Variants in RPS6KC1 observed in about 807,000 individuals in gnomAD.
The protein encoded by RPS6KC1 is ribosomal protein S6 kinase C1.
In RPS6KC1, 54 loss-of-function variants were observed where a neutral mutation model predicts 103.8. That is an observed-to-expected ratio of 0.52 (90% CI 0.42 to 0.65). The LOEUF (loss-of-function observed/expected upper bound fraction) is 0.65, where lower values mean the gene tolerates loss of function less well. Ranked by LOEUF, RPS6KC1 falls within the 30% of genes least tolerant of loss-of-function variation. The pLI is 0.00. For missense variants in RPS6KC1, 1,151 were observed against 1,253.8 expected (o/e 0.92, Z 1.24); for synonymous variants, 439 against 438.7 (o/e 1.00, Z -0.01).
the RPS6KC1 span, among the ~76,000 whole-genome samples, chr1:213,530,159 G>A: frequency 1.3e-5 from 2 of 152,016 alleles, no homozygotes; most frequent in Non-Finnish European, 2.9e-5. Flanking sequence ...CCATTAACTC[G>A]TCATTTATCC....
At chr1:213,485,019 T>G in the RPS6KC1 span, among the ~76,000 whole-genome samples, 2 of 152,058 alleles carry the variant, frequency 1.3e-5, no homozygotes, top group African/African-American at 2.4e-5. Flanking sequence ...CACACCACCA[T>G]GCCAAGCTAA....
chr1:213,697,012 G>T, the RPS6KC1 span, among the ~76,000 whole-genome samples: 5 of 152,164 alleles, frequency 3.3e-5, no homozygotes, highest in Non-Finnish European at 2.9e-5. Context: ...TATAAACTGG[G>T]GGATCCCTGC....
At chr1:213,844,981 G>A in the RPS6KC1 span, among the ~76,000 whole-genome samples, 2 of 151,700 alleles carry the variant, frequency 1.3e-5, no homozygotes, top group African/African-American at 4.8e-5. Context: ...CAGCCATAGT[G>A]CATTCAGCCT....
chr1:213,151,243 A>C (rs1267665950), intron 6 of RPS6KC1, among the ~76,000 whole-genome samples: 1 of 109,788 alleles, frequency 9.1e-6, no homozygotes, highest in African/African-American at 3.6e-5. Flanking sequence ...TCCCTCCCGG[A>C]CGGGGCGGCT....
the RPS6KC1 span, among the ~76,000 whole-genome samples, chr1:213,564,275 C>T: frequency 1.6e-4 from 24 of 152,062 alleles, no homozygotes; most frequent in African/African-American, 5.6e-4. Context: ...ATATTTATGT[C>T]TGTTGTTAAT....
chr1:213,207,831 G>A (rs1480363597), intron 8 of RPS6KC1, among the ~76,000 whole-genome samples: 1 of 151,900 alleles, frequency 6.6e-6, no homozygotes, highest in African/African-American at 2.4e-5. Context: ...CCACCTCCAT[G>A]CTGGCTAATT....
At chr1:213,423,763 C>A in the RPS6KC1 span, among the ~76,000 whole-genome samples, 1 of 116,232 alleles carries the variant, frequency 8.6e-6, no homozygotes, top group Non-Finnish European at 1.8e-5. Context: ...GGAGGGGGAG[C>A]GGCAGGGGGC....
chr1:213,683,495 A>G, the RPS6KC1 span, among the ~76,000 whole-genome samples: 2 of 152,174 alleles, frequency 1.3e-5, no homozygotes, highest in Non-Finnish European at 2.9e-5. Context: ...CTGGAAAAGT[A>G]CATTCCTCCC....
the RPS6KC1 span, among the ~76,000 whole-genome samples, chr1:213,477,660 C>A: frequency 6.6e-6 from 1 of 152,076 alleles, no homozygotes; most frequent in Admixed American, 6.5e-5. Context: ...TATAATAAAA[C>A]CCAGATACCA....
At chr1:213,797,098 A>C in the RPS6KC1 span, among the ~76,000 whole-genome samples, 1 of 152,252 alleles carries the variant, frequency 6.6e-6, no homozygotes, top group Non-Finnish European at 1.5e-5. Context: ...ATGGCAATGC[A>C]CAGAAGTAGA....
the RPS6KC1 span, among the ~76,000 whole-genome samples, chr1:213,487,528 C>A: frequency 2.6e-5 from 4 of 152,012 alleles, no homozygotes; most frequent in Non-Finnish European, 5.9e-5. Flanking sequence ...ATGATGATGC[C>A]ATTTCTTAGC....
chr1:213,246,213 A>G (rs552335888), intron 12 of RPS6KC1, among the ~76,000 whole-genome samples: 108 of 152,240 alleles, frequency 7.1e-4, no homozygotes, highest in Non-Finnish European at 1.2e-3. Flanking sequence ...ATTATCTAGG[A>G]TGATTCTCTA....
intron 5 of RPS6KC1, among the ~76,000 whole-genome samples, chr1:213,118,546 A>G (rs1196534924): frequency 6.6e-6 from 1 of 152,154 alleles, no homozygotes; most frequent in African/African-American, 2.4e-5. Context: ...CTCCTGTCAT[A>G]CAGCAGCAGC....
At chr1:213,762,105 G>A in the RPS6KC1 span, among the ~76,000 whole-genome samples, 1 of 151,216 alleles carries the variant, frequency 6.6e-6, no homozygotes. Flanking sequence ...AAGGAAGGAA[G>A]GATGACGAAA....
the RPS6KC1 span, among the ~76,000 whole-genome samples, chr1:213,386,272 G>T: frequency 6.6e-6 from 1 of 152,098 alleles, no homozygotes; most frequent in Non-Finnish European, 1.5e-5. Flanking sequence ...CCCACCAGAT[G>T]CCCAGTCTTC....
At chr1:213,253,269 A>T (rs911292608) in intron 12 of RPS6KC1, among the ~76,000 whole-genome samples, 1 of 152,160 alleles carries the variant, frequency 6.6e-6, no homozygotes, top group African/African-American at 2.4e-5. Context: ...GTGAAGAATG[A>T]GATGATCTAT....
At chr1:213,675,179 G>C in the RPS6KC1 span, among the ~76,000 whole-genome samples, 2 of 152,150 alleles carry the variant, frequency 1.3e-5, no homozygotes, top group East Asian at 3.9e-4. Flanking sequence ...TCAATATTTG[G>C]TTTTGTTGCA....
the RPS6KC1 span, among the ~76,000 whole-genome samples, chr1:213,426,628 G>A: frequency 6.6e-6 from 1 of 152,322 alleles, no homozygotes; most frequent in Non-Finnish European, 1.5e-5. Flanking sequence ...AGCTGTGCCT[G>A]TTGGGATACC....
chr1:213,439,832 A>C, the RPS6KC1 span, among the ~76,000 whole-genome samples: 3 of 152,240 alleles, frequency 2.0e-5, no homozygotes, highest in South Asian at 6.2e-4. Flanking sequence ...AGAGAGGCAG[A>C]GATGGAGCAA....
Sources: gnomAD v4.1 joint callset for allele counts (sites outside exome capture counted in the v4.1 genomes callset) on GRCh38, gnomAD v4.1.1 for gene constraint, MANE v1.5 for transcripts, NCBI Gene and HGNC (gene_info 2026-07-23, HGNC 2026-07-21) for gene names.